MCTP1: variants seen among roughly 807,000 people sequenced by gnomAD.
MCTP1 encodes the protein multiple C2 and transmembrane domain containing 1, also known as multiple C2 and transmembrane domain-containing protein 1.
A neutral mutation model predicts 120.6 loss-of-function variants in MCTP1; 69 were observed. The observed-to-expected ratio is 0.57, with a 90% CI of 0.47 to 0.70. MCTP1 has a LOEUF of 0.70. Among genes scored for constraint, MCTP1 ranks in the 30% least tolerant of loss-of-function variants. The probability of loss-of-function intolerance (pLI) is 0.00; values close to 1 mark genes in which losing one functional copy is unlikely to be tolerated. For missense variants in MCTP1, 1,203 were observed against 1,248.8 expected, an observed-to-expected ratio of 0.96 and a Z score of 0.55; for synonymous variants, 529 against 493.1, an observed-to-expected ratio of 1.07 and a Z score of -0.96.
chr5:94,960,383 C>A (rs898185029), intron 2 of MCTP1, among the ~76,000 whole-genome samples: 6 of 152,084 alleles, frequency 3.9e-5, no homozygotes, highest in African/African-American at 1.4e-4. Flanking sequence ...GACTAAAACA[C>A]CAAAAGCAAT....
At chr5:95,017,790 T>C (rs1433238259) in intron 1 of MCTP1, among the ~76,000 whole-genome samples, 1 of 152,064 alleles carries the variant, frequency 6.6e-6, no homozygotes, top group African/African-American at 2.4e-5. Context: ...AATATGAACA[T>C]AGAAATACTG....
chr5:95,112,780 G>T (rs953629326), intron 1 of MCTP1, among the ~76,000 whole-genome samples: 1 of 152,096 alleles, frequency 6.6e-6, no homozygotes, highest in Non-Finnish European at 1.5e-5. Flanking sequence ...TAGAGTCAAT[G>T]AAATTAATTA....
rs147165577 is a variant in MCTP1 at position 95,104,978 on chromosome 5, A to G, written c.721-87494T>C. Among the ~76,000 whole-genome samples the G allele has an allele frequency of 9.7e-3, 1,475 of 152,280 alleles. 26 individuals carry two copies. Among genetic ancestry groups the G allele is most frequent in the African/African-American group, 0.034 (1,411 of 41,536 alleles). On this transcript the variant is annotated intron_variant, in intron 1 of 22. Coordinates refer to ENST00000515393, the MANE Select transcript of MCTP1 (RefSeq NM_024717.7). Reference sequence around the variant, plus strand: ...TTCCTTTATCATTATCTGTTCTGTAAAAAATTATTTATTTCTACATATTTG... The same window carrying G: ...TTCCTTTATCATTATCTGTTCTGTAGAAAATTATTTATTTCTACATATTTG...
chr5:95,160,235 A>T (rs909897162), intron 1 of MCTP1, among the ~76,000 whole-genome samples: 2 of 152,178 alleles, frequency 1.3e-5, no homozygotes, highest in African/African-American at 4.8e-5. Context: ...CCTGGGTGAG[A>T]AATGATGAAG....
At chr5:94,977,150 A>G (rs1828296390) in intron 2 of MCTP1, among the ~76,000 whole-genome samples, 1 of 152,302 alleles carries the variant, frequency 6.6e-6, no homozygotes, top group Middle Eastern at 3.4e-3. Flanking sequence ...AACATACAAA[A>G]TCAATTGCAT....
chr5:94,862,016 T>TA (rs1336758589), intron 17 of MCTP1, among the ~76,000 whole-genome samples: 4 of 151,810 alleles, frequency 2.6e-5, no homozygotes, highest in Non-Finnish European at 1.5e-5. Flanking sequence ...AGCTAATTCT[T>TA]AGATTCAATA....
At chr5:94,858,747 G>T (rs985258671) in intron 17 of MCTP1, among the ~76,000 whole-genome samples, 3 of 151,630 alleles carry the variant, frequency 2.0e-5, no homozygotes, top group African/African-American at 7.3e-5. Context: ...CATTCCAGTT[G>T]TACCATTCCA....
intron 1 of MCTP1, among the ~76,000 whole-genome samples, chr5:95,066,506 C>A (rs1750700865): frequency 6.6e-6 from 1 of 152,080 alleles, no homozygotes; most frequent in Non-Finnish European, 1.5e-5. Context: ...GGGTATATAT[C>A]CAAAGGAAAT....
At chr5:95,269,276 C>A (rs1461371890) in intron 1 of MCTP1, among the ~76,000 whole-genome samples, 2 of 152,120 alleles carry the variant, frequency 1.3e-5, no homozygotes, top group Non-Finnish European at 2.9e-5. Context: ...AAGGAATATA[C>A]CCCAAATGGA....
intron 1 of MCTP1, among the ~76,000 whole-genome samples, chr5:95,087,956 C>T (rs185863168): frequency 4.0e-4 from 61 of 152,260 alleles, no homozygotes; most frequent in Admixed American, 2.2e-3. Context: ...AACTGACAGC[C>T]GGGTTAGCGA....
intron 9 of MCTP1, among the ~76,000 whole-genome samples, chr5:94,910,668 A>G (rs556096424): frequency 6.6e-6 from 1 of 152,214 alleles, no homozygotes; most frequent in South Asian, 2.1e-4. Flanking sequence ...TTTCATACCT[A>G]AAGAGCAGAA....
chr5:95,092,280 G>C (rs1216047907), intron 1 of MCTP1, among the ~76,000 whole-genome samples: 1 of 152,128 alleles, frequency 6.6e-6, no homozygotes, highest in Non-Finnish European at 1.5e-5. Flanking sequence ...AACTTGCTGG[G>C]TTAAAAAACA....
At chr5:94,829,870 A>G (rs1406603056) in intron 17 of MCTP1, among the ~76,000 whole-genome samples, 1 of 152,160 alleles carries the variant, frequency 6.6e-6, no homozygotes, top group Non-Finnish European at 1.5e-5. Flanking sequence ...GCAACACACA[A>G]CTGCCAGCTC....
chr5:95,252,163 C>T (rs1757444248), intron 1 of MCTP1, among the ~76,000 whole-genome samples: 1 of 152,086 alleles, frequency 6.6e-6, no homozygotes, highest in South Asian at 2.1e-4. Context: ...TTGACAGCAC[C>T]ATTTGTCATG....
At chr5:95,240,503 T>C (rs1025033478) in intron 1 of MCTP1, among the ~76,000 whole-genome samples, 2 of 152,222 alleles carry the variant, frequency 1.3e-5, no homozygotes, top group Non-Finnish European at 2.9e-5. Flanking sequence ...TGAACTTCAA[T>C]CCATCCCTAA....
chr5:94,756,508 T>C (rs1769919960), intron 19 of MCTP1, among the ~76,000 whole-genome samples: 1 of 152,208 alleles, frequency 6.6e-6, no homozygotes, highest in African/African-American at 2.4e-5. Flanking sequence ...TTATGGGCAC[T>C]GGCTGTGTCT....
intron 1 of MCTP1, among the ~76,000 whole-genome samples, chr5:95,210,309 A>G (rs867119955): frequency 6.6e-6 from 1 of 151,782 alleles, no homozygotes; most frequent in Middle Eastern, 3.4e-3. Context: ...GTGGGAGTCT[A>G]AGTCTCTTTG....
chr5:94,910,210 A>C (rs1172105711), intron 9 of MCTP1, among the ~76,000 whole-genome samples: 1 of 151,540 alleles, frequency 6.6e-6, no homozygotes, highest in African/African-American at 2.4e-5. Context: ...GTATATATAC[A>C]TATATGTGTA....
Position 94,773,743 on chromosome 5 carries a change from C to A in MCTP1, c.2610+5367G>T, listed in dbSNP as rs1041822632. 3.3e-5 allele frequency among the ~76,000 whole-genome samples: 5 copies of A among 152,214 alleles called. No individual in the cohort carries two copies. In the East Asian group the frequency reaches 9.7e-4, roughly 29 times the overall value. Reference sequence around the variant, plus strand: ...AAGAGTGAGTGTGTGCAGGGGAACTCCCCTTTATAAAACTATCAGATCTCA... The same window carrying A: ...AAGAGTGAGTGTGTGCAGGGGAACTACCCTTTATAAAACTATCAGATCTCA... On this transcript the variant is annotated intron_variant, in intron 19 of 22. Transcript: ENST00000515393.
Sources: gnomAD v4.1 joint callset for allele counts (sites outside exome capture counted in the v4.1 genomes callset) on GRCh38, gnomAD v4.1.1 for gene constraint, MANE v1.5 for transcripts, NCBI Gene and HGNC (gene_info 2026-07-23, HGNC 2026-07-21) for gene names.